The following PRKCB variants were observed in gnomAD, a reference collection of about 807,000 sequenced individuals.
PRKCB encodes protein kinase C beta.
A neutral mutation model predicts 81.5 loss-of-function variants in PRKCB; 13 were observed. The observed-to-expected ratio is 0.16, with a 90% CI of 0.10 to 0.25. The LOEUF is 0.25. Ranked by LOEUF, PRKCB falls within the 10% of genes least tolerant of loss-of-function variation. The pLI is 1.00. For missense variants in PRKCB, 509 were observed against 875.7 expected, an observed-to-expected ratio of 0.58 and a Z score of 5.29; for synonymous variants, 335 against 321.4, an observed-to-expected ratio of 1.04 and a Z score of -0.45.
At chr16:23,975,593 T>G (rs1054109784) in intron 2 of PRKCB, among the ~76,000 whole-genome samples, 5 of 152,148 alleles carry the variant, frequency 3.3e-5, no homozygotes, top group Non-Finnish European at 7.4e-5. Context: ...CGCCCACGCC[T>G]GAACACCCAC....
chr16:23,857,685 TC>T (rs1962593124), intron 2 of PRKCB, among the ~76,000 whole-genome samples: 1 of 151,954 alleles, frequency 6.6e-6, no homozygotes, highest in South Asian at 2.1e-4. Flanking sequence ...GCTAGGCTTG[TC>T]CCTGCTTGAG....
At chr16:23,989,259 C>T (rs972362358) in intron 3 of PRKCB, among the ~76,000 whole-genome samples, 17 of 151,996 alleles carry the variant, frequency 1.1e-4, no homozygotes, top group Admixed American at 3.9e-4. Context: ...TCACTGTGCC[C>T]GGCCTATTAT....
At chr16:24,209,953 C>CA (rs113503232) in intron 16 of PRKCB, among the ~76,000 whole-genome samples, 2,126 of 139,272 alleles carry the variant, frequency 0.015, 27 homozygotes, top group African/African-American at 0.024. Context: ...CCTGTGTCTA[C>CA]AAAAAAAAAA....
intron 7 of PRKCB, among the ~76,000 whole-genome samples, chr16:24,106,988 G>A (rs7188986): frequency 0.02 from 3,083 of 152,164 alleles, 101 homozygotes; most frequent in African/African-American, 0.07. Flanking sequence ...GGTATATAAA[G>A]CATTCGGTTC....
At chr16:24,184,558 G>A (rs964493011) in intron 13 of PRKCB, among the ~76,000 whole-genome samples, 12 of 152,136 alleles carry the variant, frequency 7.9e-5, no homozygotes, top group Non-Finnish European at 1.8e-4. Flanking sequence ...TCAGAGAAAA[G>A]AGTATGGAAT....
intron 2 of PRKCB, among the ~76,000 whole-genome samples, chr16:23,838,768 G>T (rs1243718708): frequency 6.6e-6 from 1 of 152,174 alleles, no homozygotes; most frequent in African/African-American, 2.4e-5. Context: ...TGAGACTCTT[G>T]CATACTCTTC....
At chr16:24,035,595 G>A (rs1250961490) in intron 5 of PRKCB, 48 bp downstream of exon 5, 3 of 1,364,760 alleles carry the variant, frequency 2.2e-6, no homozygotes, top group Non-Finnish European at 2.9e-6. Context: ...CTTGACCTGT[G>A]TGATTGAGAA....
chr16:24,019,101 G>A (rs1965325268), intron 3 of PRKCB, among the ~76,000 whole-genome samples: 1 of 151,542 alleles, frequency 6.6e-6, no homozygotes, highest in South Asian at 2.1e-4. Context: ...TCTGTGCTGA[G>A]AAGTTTTACT....
intron 9 of PRKCB, 60 bp downstream of exon 9, chr16:24,124,041 A>C: frequency 6.3e-7 from 1 of 1,597,080 alleles, no homozygotes; most frequent in South Asian, 1.1e-5. Context: ...ACACAGGCAC[A>C]TTTGCTGTTC....
intron 5 of PRKCB, among the ~76,000 whole-genome samples, chr16:24,054,596 A>C (rs996022371): frequency 6.6e-6 from 1 of 152,204 alleles, no homozygotes; most frequent in Non-Finnish European, 1.5e-5. Context: ...TGGACAATAA[A>C]TTAAAAACCC....
chr16:23,939,578 A>T (rs1367222738), intron 2 of PRKCB, among the ~76,000 whole-genome samples: 1 of 152,236 alleles, frequency 6.6e-6, no homozygotes, highest in African/African-American at 2.4e-5. Context: ...TTGATTTTTG[A>T]CAAAGGCACA....
chr16:24,133,394 C>T lies in PRKCB; in HGVS notation c.1065+9413C>T, dbSNP rs113015208. 6.9e-3 allele frequency among the ~76,000 whole-genome samples: 1,054 copies of T among 152,216 alleles called. 7 individuals carry two copies. The highest frequency in any genetic ancestry group is 0.024 in the African/African-American group (987 of 41,532). ...GTGCTCATTGGAACCGTGAGTCATC[C>T]GCAGGGATTCCTAAGAGGGCCCATG... is the stretch of plus-strand genomic sequence containing the variant. On this transcript the variant is annotated intron_variant, in intron 9 of 16. Coordinates refer to ENST00000643927, the MANE Select transcript of PRKCB (RefSeq NM_002738.7).
rs900991997 is a variant in PRKCB at position 23,926,979 on chromosome 16, G to A, written c.206-61529G>A. On this transcript the variant is annotated intron_variant, in intron 2 of 16. Coordinates refer to ENST00000643927, the MANE Select transcript of PRKCB (RefSeq NM_002738.7). ...GTATTTATTGAATACTTCTTACTGC[G>A]TATGGTGGTGGTGGTGCTGAGGTGT... is the stretch of plus-strand genomic sequence containing the variant. Among the ~76,000 whole-genome samples the A allele has an allele frequency of 7.9e-5, 12 of 152,246 alleles. No individual in the cohort carries two copies. The East Asian group carries it at 1.3e-3, about 17-fold the overall frequency.
intron 3 of PRKCB, among the ~76,000 whole-genome samples, chr16:24,015,605 G>C (rs1226603844): frequency 6.6e-6 from 1 of 152,196 alleles, no homozygotes; most frequent in East Asian, 1.9e-4. Flanking sequence ...CCATCGCCTG[G>C]TTACACCCTC....
chr16:24,027,569 G>A (rs1211956542), intron 3 of PRKCB, among the ~76,000 whole-genome samples: 1 of 152,142 alleles, frequency 6.6e-6, no homozygotes, highest in Non-Finnish European at 1.5e-5. Context: ...TCCCACTGGC[G>A]ACAGCAGAAA....
At chr16:23,970,104 G>A (rs1368330059) in intron 2 of PRKCB, among the ~76,000 whole-genome samples, 1 of 152,216 alleles carries the variant, frequency 6.6e-6, no homozygotes, top group Non-Finnish European at 1.5e-5. Flanking sequence ...GTGCATGGAG[G>A]ATGAGTGTTG....
intron 3 of PRKCB, among the ~76,000 whole-genome samples, chr16:24,019,771 A>AT (rs954960433): frequency 1.2e-4 from 18 of 152,106 alleles, no homozygotes; most frequent in Non-Finnish European, 1.5e-5. Context: ...CTAAAAAAAA[A>AT]AAAGAAAAAA....
chr16:24,220,059 A>G lies in PRKCB; in HGVS notation c.*5243A>G, dbSNP rs749890233. On this transcript the variant is annotated 3_prime_UTR_variant, in exon 17 of 17. Transcript: ENST00000643927. Reference sequence around the variant, plus strand: ...AACTCTTCATCATGAACTTGGACCAAAATGAATTTGCTGGCTTCTCTTATA... The same window carrying G: ...AACTCTTCATCATGAACTTGGACCAGAATGAATTTGCTGGCTTCTCTTATA... 2.3e-5 allele frequency: 37 copies of G among 1,614,182 alleles called. No homozygotes were observed. In the South Asian group the frequency reaches 4.0e-4, roughly 17 times the overall value.
intron 5 of PRKCB, among the ~76,000 whole-genome samples, chr16:24,036,194 G>A (rs1372419620): frequency 1.3e-5 from 2 of 150,810 alleles, no homozygotes; most frequent in Admixed American, 6.7e-5. Context: ...GGGAGATGCA[G>A]TGAGAGGAGG....
Sources: allele counts gnomAD v4.1 joint callset (sites outside exome capture counted in the v4.1 genomes callset), GRCh38; gene constraint gnomAD v4.1.1; transcripts MANE v1.5; gene names NCBI Gene and HGNC (gene_info 2026-07-23, HGNC 2026-07-21).